Variants in AGPAT4 observed in about 807,000 individuals in gnomAD.
AGPAT4 encodes the protein 1-acylglycerol-3-phosphate O-acyltransferase 4.
Under a neutral mutation model 48.0 loss-of-function variants are expected in AGPAT4, and 15 were observed. That is an observed-to-expected ratio of 0.31 (90% confidence interval 0.21 to 0.48). The LOEUF (loss-of-function observed/expected upper bound fraction) is 0.48, where lower values mean the gene tolerates loss of function less well. AGPAT4 is among the 20% of genes least tolerant of loss of function. The probability of loss-of-function intolerance (pLI) is 0.99; values close to 1 mark genes in which losing one functional copy is unlikely to be tolerated. For synonymous variants in AGPAT4, 178 were observed against 198.7 expected, an observed-to-expected ratio of 0.90 and a Z score of 0.88; for missense variants, 314 against 482.5, an observed-to-expected ratio of 0.65 and a Z score of 3.27.
chr6:161,230,612 G>A, intron 2 of AGPAT4, among the ~76,000 whole-genome samples: 1 of 152,158 alleles, frequency 6.6e-6, no homozygotes, highest in Admixed American at 6.5e-5. Context: ...GTTTGGACAA[G>A]TTTTTCCTTT....
rs1169446073 is a variant in AGPAT4 at position 161,140,250 on chromosome 6, AG to A, written c.844-631del. ...GAGGGCTGCTGGGTGTGGCTCTCAG[AG>A]GTGACAGCACACTCAGGACTGGGTG... On this transcript the variant is annotated intron_variant, in intron 7 of 8. Coordinates refer to ENST00000320285, the MANE Select transcript of AGPAT4 (RefSeq NM_020133.3). This position sits in a 1 kb window ranked among gnomAD's most constrained non-coding sequence, Gnocchi z 6.5. Among the ~76,000 whole-genome samples the A allele has an allele frequency of 8.5e-5, 13 of 152,290 alleles. No homozygotes were observed. Among genetic ancestry groups the A allele is most frequent in the African/African-American group, 3.1e-4 (13 of 41,558 alleles).
chr6:161,175,458 G>GATAGTAGTT (rs1408058354), intron 2 of AGPAT4, among the ~76,000 whole-genome samples: 1 of 152,168 alleles, frequency 6.6e-6, no homozygotes, highest in Admixed American at 6.5e-5. Flanking sequence ...AGTATGCTCT[G>GATAGTAGTT]ATAGTAGTTT....
intron 2 of AGPAT4, among the ~76,000 whole-genome samples, chr6:161,203,381 C>CTTTTTTTTTTTT (rs10585542): frequency 6.7e-4 from 74 of 110,732 alleles, no homozygotes; most frequent in East Asian, 1.7e-3. Flanking sequence ...CTTTTTCTTT[C>CTTTTTTTTTTTT]TTTTTTTTTT....
In AGPAT4 at chr6:161,134,006, G is replaced by A. The variant is rs946564565; in HGVS notation, c.*2534C>T. 1.7e-4 allele frequency: 26 copies of A among 152,264 alleles called. No homozygotes were observed. Among genetic ancestry groups the A allele is most frequent in the African/African-American group, 5.8e-4 (24 of 41,440 alleles). The allele number at this position is 152,264 out of a possible 1,614,324, so 9.4% of individuals were successfully genotyped here. A position where few individuals can be genotyped will look rare whatever the true frequency, so the allele number is the denominator to read the frequency against. On this transcript the variant is annotated 3_prime_UTR_variant, in exon 9 of 9. Transcript: ENST00000320285. ...GAAGGTATTTGAGGAGGCGTGATGAGCTTCCGTCCAGGAGTACCCGTGGTT... is the reference window on the plus strand; with the variant it reads ...GAAGGTATTTGAGGAGGCGTGATGAACTTCCGTCCAGGAGTACCCGTGGTT...
rs78782332 is a variant in AGPAT4 at position 161,228,911 on chromosome 6, C to T, written c.178+3125G>A. Among the ~76,000 whole-genome samples the T allele has an allele frequency of 2.2e-3, 340 of 151,842 alleles. 4 individuals carry two copies. Among genetic ancestry groups the T allele is most frequent in the East Asian group, 3.7e-3 (19 of 5,136 alleles). On this transcript the variant is annotated intron_variant, in intron 2 of 8. Coordinates refer to ENST00000320285, the MANE Select transcript of AGPAT4 (RefSeq NM_020133.3). Reference sequence around the variant, plus strand: ...AAGCAACCCTCTAAAAATCATCCATCGAGATTACATTACTTTCAAGTTGTT... The same window carrying T: ...AAGCAACCCTCTAAAAATCATCCATTGAGATTACATTACTTTCAAGTTGTT...
In AGPAT4 at chr6:161,246,197, A is replaced by G. The variant is rs1207931534; in HGVS notation, c.-89-13895T>C. ...GCTCAGAGCAAAAGATGCTTGGAGA[A>G]GTGATGAGGTTCTTTCCAACTTTTA... On this transcript the variant is annotated intron_variant, in intron 1 of 8. Transcript: ENST00000320285. The surrounding 1 kb of genome is among the most constrained non-coding windows in gnomAD (Gnocchi z 5.5). Among the ~76,000 whole-genome samples, 2 of 152,210 alleles carry G rather than the reference A, an allele frequency of 1.3e-5. No homozygotes were observed. Among genetic ancestry groups the G allele is most frequent in the African/African-American group, 4.8e-5 (2 of 41,462 alleles).
At chr6:161,194,578 GTA>G (rs959980568) in intron 2 of AGPAT4, among the ~76,000 whole-genome samples, 1 of 146,222 alleles carries the variant, frequency 6.8e-6, no homozygotes, top group Admixed American at 6.6e-5. Flanking sequence ...GTGTATGTGT[GTA>G]TATATGTGTA....
In AGPAT4 at chr6:161,227,007, A is replaced by G. The variant is rs574748388; in HGVS notation, c.178+5029T>C. Among the ~76,000 whole-genome samples, 15 of 152,324 alleles carry G rather than the reference A, an allele frequency of 9.8e-5. No individual in the cohort carries two copies. In the South Asian group the frequency reaches 1.2e-3, roughly 13 times the overall value. On this transcript the variant is annotated intron_variant, in intron 2 of 8. Coordinates refer to ENST00000320285, the MANE Select transcript of AGPAT4 (RefSeq NM_020133.3). ...TACAGTTTGAAAATACAATGTGCAA[A>G]AAGTACTTTATGCATAAGGAGGGGG... is the stretch of plus-strand genomic sequence containing the variant.
Position 161,262,701 on chromosome 6 carries a change from G to T in AGPAT4, c.-90+11237C>A, listed in dbSNP as rs1200265590. 6.6e-6 allele frequency among the ~76,000 whole-genome samples: 1 copy of T among 152,068 alleles called. No homozygotes were observed. The highest frequency in any genetic ancestry group is 1.5e-5 in the Non-Finnish European group (1 of 68,032). ...GGGTCCGATTATTCTTCAGTCCCAC[G>T]GGGGAGTGAGACCCTCATAGTGAGG... On this transcript the variant is annotated intron_variant, in intron 1 of 8. Coordinates refer to ENST00000320285, the MANE Select transcript of AGPAT4 (RefSeq NM_020133.3). The surrounding 1 kb of genome is among the most constrained non-coding windows in gnomAD (Gnocchi z 4.9).
chr6:161,139,092 A>C lies in AGPAT4; in HGVS notation c.1042+330T>G, dbSNP rs890648692. Among the ~76,000 whole-genome samples, 29 of 152,188 alleles carry C rather than the reference A, an allele frequency of 1.9e-4. 1 individual carries two copies. The highest frequency in any genetic ancestry group is 1.7e-3 in the Admixed American group (26 of 15,290). ...TTCTTCAGAAGCAGGAAATGATGCC[A>C]ATGAGCAGAGCTGTCTGCGGAGGAC... On this transcript the variant is annotated intron_variant, in intron 8 of 8. Transcript: ENST00000320285. The surrounding 1 kb of genome is among the most constrained non-coding windows in gnomAD (Gnocchi z 9.1).
In AGPAT4 at chr6:161,151,764, C is replaced by T. The variant is rs544953156; in HGVS notation, c.664+1582G>A. Reference sequence around the variant, plus strand: ...CAGAGGAAACAGGATTCAGTGAGGTCTCCTGATCAGGGAGTGCACAGGGTC... The same window carrying T: ...CAGAGGAAACAGGATTCAGTGAGGTTTCCTGATCAGGGAGTGCACAGGGTC... On this transcript the variant is annotated intron_variant, in intron 5 of 8. Transcript: ENST00000320285. Among the ~76,000 whole-genome samples the T allele has an allele frequency of 1.4e-4, 21 of 152,354 alleles. No individual in the cohort carries two copies. The South Asian group carries it at 4.3e-3, about 32-fold the overall frequency.
rs1297096712 is a variant in AGPAT4 at position 161,171,879 on chromosome 6, G to C, written c.179-5462C>G. Among the ~76,000 whole-genome samples, 1 of 152,116 alleles carries C rather than the reference G, an allele frequency of 6.6e-6. No homozygotes were observed. Among genetic ancestry groups the C allele is most frequent in the African/African-American group, 2.4e-5 (1 of 41,414 alleles). On this transcript the variant is annotated intron_variant, in intron 2 of 8. Coordinates refer to ENST00000320285, the MANE Select transcript of AGPAT4 (RefSeq NM_020133.3). This position sits in a 1 kb window ranked among gnomAD's most constrained non-coding sequence, Gnocchi z 4.4. ...CGCACCACTGCACTCCAGCCTGGGT[G>C]ACAGAGCAAGACTCCATCTCAAAAA...
Position 161,219,916 on chromosome 6 carries a change from C to CAGGCAGCA in AGPAT4, c.178+12119_178+12120insTGCTGCCT, listed in dbSNP as rs770490075. On this transcript the variant is annotated intron_variant, in intron 2 of 8. Transcript: ENST00000320285. This position sits in a 1 kb window ranked among gnomAD's most constrained non-coding sequence, Gnocchi z 4.9. Reference sequence around the variant, plus strand: ...GCAGGCAGGCAGGCAGGCAGGCAGGCGGCAGGCAGGCAGGCAGGCAGGCAG... The same window carrying CAGGCAGCA: ...GCAGGCAGGCAGGCAGGCAGGCAGGCAGGCAGCAGGCAGGCAGGCAGGCAGGCAGGCAG... Among the ~76,000 whole-genome samples the CAGGCAGCA allele has an allele frequency of 9.4e-6, 1 of 105,990 alleles. No individual in the cohort carries two copies. Among genetic ancestry groups the CAGGCAGCA allele is most frequent in the Non-Finnish European group, 2.0e-5 (1 of 49,256 alleles). The allele number at this position is 105,990 out of a possible 152,430, so 69.5% of individuals were successfully genotyped here.
chr6:161,153,912 TGG>T (rs1779679171), intron 4 of AGPAT4, among the ~76,000 whole-genome samples: 3 of 147,394 alleles, frequency 2.0e-5, no homozygotes, highest in African/African-American at 7.7e-5. Flanking sequence ...CACACAGCCC[TGG>T]GGTCACACAC....
At chr6:161,205,761 T>TAACAACAAC (rs140797829) in intron 2 of AGPAT4, among the ~76,000 whole-genome samples, 55 of 149,040 alleles carry the variant, frequency 3.7e-4, no homozygotes, top group African/African-American at 1.2e-3. Context: ...ATAATAATAA[T>TAACAACAAC]AACAACAAAC....
chr6:161,271,275 T>C (rs1278357846), intron 1 of AGPAT4, among the ~76,000 whole-genome samples: 2 of 152,210 alleles, frequency 1.3e-5, no homozygotes, highest in Non-Finnish European at 2.9e-5. Flanking sequence ...CCTTCTTCCC[T>C]TGAACCGTCT....
At chr6:161,227,525 G>A (rs1311541139) in intron 2 of AGPAT4, among the ~76,000 whole-genome samples, 1 of 152,200 alleles carries the variant, frequency 6.6e-6, no homozygotes, top group East Asian at 1.9e-4. Flanking sequence ...CACATGACTT[G>A]CTCTGCAGTT....
intron 2 of AGPAT4, among the ~76,000 whole-genome samples, chr6:161,167,940 G>A (rs1463685968): frequency 6.6e-6 from 1 of 152,160 alleles, no homozygotes; most frequent in Non-Finnish European, 1.5e-5. Context: ...TAAAAACGAC[G>A]AAAACCACTC....
rs1782236939 is a variant in AGPAT4, at chr6:161,235,095, G to A, written c.-89-2793C>T. ...CAAGGCCCATTTCCTAGCCTGGTGTGGGGTGGTTGCATGTGGGCTTGAGAG... is the reference window on the plus strand; with the variant it reads ...CAAGGCCCATTTCCTAGCCTGGTGTAGGGTGGTTGCATGTGGGCTTGAGAG... On this transcript the variant is annotated intron_variant, in intron 1 of 8. Coordinates refer to ENST00000320285, the MANE Select transcript of AGPAT4 (RefSeq NM_020133.3). The surrounding 1 kb of genome is among the most constrained non-coding windows in gnomAD (Gnocchi z 6.2). 6.6e-6 allele frequency among the ~76,000 whole-genome samples: 1 copy of A among 152,008 alleles called. No individual in the cohort carries two copies. The highest frequency in any genetic ancestry group is 2.1e-4 in the South Asian group (1 of 4,812).
Sources: allele counts gnomAD v4.1 joint callset (sites outside exome capture counted in the v4.1 genomes callset), GRCh38; gene constraint gnomAD v4.1.1; non-coding constraint Gnocchi (gnomAD v3.1); transcripts MANE v1.5; gene names NCBI Gene and HGNC (gene_info 2026-07-23, HGNC 2026-07-21).